The following CELF1 variants were observed in gnomAD, a reference collection of about 807,000 sequenced individuals.
CELF1 encodes the protein CUGBP Elav-like family member 1.
CELF1 carries 10 observed loss-of-function variants against 61.8 expected under a neutral mutation model. The observed-to-expected ratio is 0.16, with a 90% CI of 0.10 to 0.27. CELF1 has a LOEUF of 0.27. Ranked by LOEUF, CELF1 falls within the 10% of genes least tolerant of loss-of-function variation. The pLI is 1.00. For synonymous variants in CELF1, 236 were observed against 225.1 expected, an observed-to-expected ratio of 1.05 and a Z score of -0.43; for missense variants, 380 against 639.1, an observed-to-expected ratio of 0.59 and a Z score of 4.37.
At chr11:47,549,194 T>C (rs536547826) in intron 1 of CELF1, among the ~76,000 whole-genome samples, 1 of 152,242 alleles carries the variant, frequency 6.6e-6, no homozygotes, top group South Asian at 2.1e-4. Context: ...TAGAAAAAAG[T>C]ATAGGGGTTC....
chr11:47,531,272 C>A (rs1271852987), intron 1 of CELF1, among the ~76,000 whole-genome samples: 23 of 149,692 alleles, frequency 1.5e-4, no homozygotes, highest in African/African-American at 5.2e-4. Context: ...CAACAAAAAA[C>A]AAAAAAAAAC....
intron 1 of CELF1, among the ~76,000 whole-genome samples, chr11:47,535,517 A>G (rs1210587399): frequency 1.3e-5 from 2 of 151,582 alleles, no homozygotes; most frequent in Admixed American, 6.6e-5. Flanking sequence ...CGTCTCTACT[A>G]AAAATAGAAA....
At chr11:47,524,567 G>C (rs555922367) in intron 1 of CELF1, 14 of 152,378 alleles carry the variant, frequency 9.2e-5, no homozygotes, top group African/African-American at 3.4e-4. Flanking sequence ...GACGCACACA[G>C]ACAGACAGAT....
At chr11:47,486,863 C>T (rs1395490830) in intron 5 of CELF1, 65 bp from the exon 6 acceptor site, 2 of 1,193,196 alleles carry the variant, frequency 1.7e-6, no homozygotes, top group East Asian at 2.3e-5. Context: ...TACATATGGA[C>T]TCTAAAATAC....
chr11:47,495,154 G>C (rs1467815244), intron 3 of CELF1, among the ~76,000 whole-genome samples: 2 of 152,254 alleles, frequency 1.3e-5, no homozygotes, highest in African/African-American at 4.8e-5. Context: ...AGTGAAGTCA[G>C]AAGTGGAAAA....
At chr11:47,561,011 G>A (rs141514798) in intron 2 of CELF1, among the ~76,000 whole-genome samples, 4,130 of 151,452 alleles carry the variant, frequency 0.027, 187 homozygotes, top group African/African-American at 0.095. Flanking sequence ...GGTGGTGGGC[G>A]CCTGTAGTCC....
intron 1 of CELF1, among the ~76,000 whole-genome samples, chr11:47,510,768 G>C (rs946717316): frequency 6.6e-6 from 1 of 152,138 alleles, no homozygotes; most frequent in Non-Finnish European, 1.5e-5. Context: ...GATTACAGGT[G>C]CAAGCCCCCG....
intron 1 of CELF1, among the ~76,000 whole-genome samples, chr11:47,518,703 C>G (rs1327158402): frequency 1.3e-5 from 2 of 152,156 alleles, no homozygotes. Context: ...ATCTTACCAC[C>G]TCTACCCTAC....
intron 1 of CELF1, among the ~76,000 whole-genome samples, chr11:47,520,313 TAC>T (rs748833941): frequency 2.0e-5 from 3 of 152,244 alleles, no homozygotes; most frequent in Non-Finnish European, 4.4e-5. Flanking sequence ...CATGATACAA[TAC>T]ATTTTTTGCT....
intron 1 of CELF1, among the ~76,000 whole-genome samples, chr11:47,544,913 G>C (rs1431544843): frequency 6.6e-6 from 1 of 152,140 alleles, no homozygotes; most frequent in Admixed American, 6.5e-5. Context: ...AGTGAGCTGA[G>C]ATGGTGCCAC....
At chr11:47,473,902 T>C (rs943699141) in intron 13 of CELF1, among the ~76,000 whole-genome samples, 4 of 90,576 alleles carry the variant, frequency 4.4e-5, no homozygotes, top group African/African-American at 2.7e-4. Context: ...AATGATTTTC[T>C]TTTTTTTTCT....
chr11:47,558,576 T>TATATATATTTTATATAAATATATAA (rs1555194416), intron 2 of CELF1, among the ~76,000 whole-genome samples: 4 of 106,384 alleles, frequency 3.8e-5, no homozygotes, highest in Non-Finnish European at 6.9e-5. Context: ...AATATATAAA[T>TATATATATTTTATATAAATATATAA]ATATATATAT....
At chr11:47,554,891 T>C (rs1268935737), upstream of CELF1, among the ~76,000 whole-genome samples, 1 of 152,146 alleles carries the variant, frequency 6.6e-6, no homozygotes, top group Non-Finnish European at 1.5e-5. Context: ...CTCAAACTCC[T>C]GACTGCAAGT....
chr11:47,497,987 C>T (rs2093413638), intron 3 of CELF1, among the ~76,000 whole-genome samples: 1 of 152,144 alleles, frequency 6.6e-6, no homozygotes, highest in Non-Finnish European at 1.5e-5. Context: ...AATCCTGGGA[C>T]ATGGAAATAT....
intron 1 of CELF1, among the ~76,000 whole-genome samples, chr11:47,543,211 C>T (rs2096853662): frequency 6.6e-6 from 1 of 152,088 alleles, no homozygotes; most frequent in Non-Finnish European, 1.5e-5. Context: ...CAAGACCAGC[C>T]TGGGAAACAT....
At chr11:47,522,102 G>A (rs1297882220) in intron 1 of CELF1, among the ~76,000 whole-genome samples, 3 of 152,054 alleles carry the variant, frequency 2.0e-5, no homozygotes, top group South Asian at 2.1e-4. Context: ...TAGTAGACAC[G>A]GGGTTTCTCC....
intron 3 of CELF1, among the ~76,000 whole-genome samples, chr11:47,489,494 G>GA (rs1429957913): frequency 1.3e-5 from 2 of 152,174 alleles, no homozygotes; most frequent in African/African-American, 2.4e-5. Flanking sequence ...GTAGAAGTTA[G>GA]AAAAGAAGCA....
Position 47,553,086 on chromosome 11 carries a change from A to AGCCTCCGCGTCCCGCCGCC in CELF1, c.-267_-249dup. ...CGCTGCTGAGGCCGAATCCCGGGGG[A>AGCCTCCGCGTCCCGCCGCC]GCCTCCGCGTCCCGCCGCCGCTGCC... On this transcript the variant is annotated 5_prime_UTR_variant, in exon 1 of 15. Transcript: ENST00000687097. The AGCCTCCGCGTCCCGCCGCC allele has an allele frequency of 2.5e-6, 1 of 399,480 alleles. No homozygotes were observed. Among genetic ancestry groups the AGCCTCCGCGTCCCGCCGCC allele is most frequent in the East Asian group, 3.6e-5 (1 of 28,070 alleles). 24.7% of individuals were successfully genotyped at this position (399,480 alleles called of 1,614,324 possible). A position where few individuals can be genotyped will look rare whatever the true frequency, so the allele number is the denominator to read the frequency against.
At chr11:47,481,102 C>CTTTTTTTTTTTTTTTTTTTT (rs1187959061) in intron 9 of CELF1, among the ~76,000 whole-genome samples, 9 of 71,420 alleles carry the variant, frequency 1.3e-4, no homozygotes, top group Non-Finnish European at 1.7e-4. Context: ...TTTTCTTCTT[C>CTTTTTTTTTTTTTTTTTTTT]TTTTTTTTTT....
Sources: allele counts gnomAD v4.1 joint callset (sites outside exome capture counted in the v4.1 genomes callset), GRCh38; gene constraint gnomAD v4.1.1; transcripts MANE v1.5; gene names NCBI Gene and HGNC (gene_info 2026-07-23, HGNC 2026-07-21).